FBXL7: variants seen among roughly 807,000 people sequenced by gnomAD.
FBXL7 encodes the protein F-box/LRR-repeat protein 7.
Under a neutral mutation model 38.3 loss-of-function variants are expected in FBXL7, and 12 were observed. That is an observed-to-expected ratio of 0.31 (90% CI 0.20 to 0.51). The LOEUF (loss-of-function observed/expected upper bound fraction) is 0.51. FBXL7 is among the 20% of genes least tolerant of loss of function. The pLI is 0.98. For synonymous variants in FBXL7, 297 were observed against 300.9 expected (o/e 0.99, Z 0.13); for missense variants, 567 against 676.4 (o/e 0.84, Z 1.79).
At chr5:15,807,358 T>C (rs1166753871) in intron 2 of FBXL7, among the ~76,000 whole-genome samples, 1 of 152,102 alleles carries the variant, frequency 6.6e-6, no homozygotes, top group African/African-American at 2.4e-5. Flanking sequence ...CTCTTAGAGA[T>C]CCTCCACATG....
intron 2 of FBXL7, among the ~76,000 whole-genome samples, chr5:15,617,594 A>G (rs1740498879): frequency 6.6e-6 from 1 of 152,104 alleles, no homozygotes; most frequent in Non-Finnish European, 1.5e-5. Flanking sequence ...ACCTGCCACT[A>G]TGCCCAGCTA....
chr5:15,727,524 A>G (rs943891456), intron 2 of FBXL7, among the ~76,000 whole-genome samples: 14 of 152,030 alleles, frequency 9.2e-5, no homozygotes, highest in African/African-American at 3.4e-4. Context: ...TTAGTTTTTT[A>G]GAGCTTTGAA....
chr5:15,736,118 CTT>C (rs930515689), intron 2 of FBXL7, among the ~76,000 whole-genome samples: 3 of 152,088 alleles, frequency 2.0e-5, no homozygotes, highest in African/African-American at 7.2e-5. Flanking sequence ...TTTATGTGAA[CTT>C]TTGTATTTTT....
chr5:15,843,914 A>G (rs1738817229), intron 2 of FBXL7, among the ~76,000 whole-genome samples: 1 of 151,124 alleles, frequency 6.6e-6, no homozygotes, highest in African/African-American at 2.4e-5. Flanking sequence ...TATATATAGT[A>G]TAGAATATAT....
chr5:15,859,277 A>G (rs1739369800), intron 2 of FBXL7, among the ~76,000 whole-genome samples: 1 of 152,140 alleles, frequency 6.6e-6, no homozygotes, highest in South Asian at 2.1e-4. Context: ...ACAATAAGAT[A>G]AGCATGATTA....
intron 2 of FBXL7, among the ~76,000 whole-genome samples, chr5:15,769,110 T>C (rs1397766234): frequency 1.3e-5 from 2 of 152,158 alleles, no homozygotes; most frequent in African/African-American, 2.4e-5. Flanking sequence ...CTCACTGCAT[T>C]GTCCGCTGTC....
At chr5:15,511,739 G>C (rs1268263966) in intron 1 of FBXL7, among the ~76,000 whole-genome samples, 2 of 152,160 alleles carry the variant, frequency 1.3e-5, no homozygotes, top group Non-Finnish European at 2.9e-5. Flanking sequence ...TTATAGGTGA[G>C]GAAACTGAGG....
intron 2 of FBXL7, among the ~76,000 whole-genome samples, chr5:15,646,164 A>G (rs750491685): frequency 2.0e-5 from 3 of 152,234 alleles, no homozygotes; most frequent in Non-Finnish European, 4.4e-5. Flanking sequence ...AGTTTGGCAC[A>G]CTATAAAGAA....
At chr5:15,726,977 C>T (rs1281531819) in intron 2 of FBXL7, among the ~76,000 whole-genome samples, 2 of 151,160 alleles carry the variant, frequency 1.3e-5, no homozygotes, top group South Asian at 4.2e-4. Context: ...TCTGTCATAT[C>T]CTTTTGTTGT....
chr5:15,911,501 G>A (rs1454797381), intron 2 of FBXL7, among the ~76,000 whole-genome samples: 5 of 136,894 alleles, frequency 3.7e-5, no homozygotes, highest in South Asian at 4.3e-4. Flanking sequence ...TAATTTGATC[G>A]TCTGAAGCCT....
chr5:15,708,644 T>C (rs1743763436), intron 2 of FBXL7, among the ~76,000 whole-genome samples: 1 of 152,196 alleles, frequency 6.6e-6, no homozygotes, highest in Admixed American at 6.5e-5. Context: ...TCTGAGACAT[T>C]ATCCTCAGAG....
intron 1 of FBXL7, among the ~76,000 whole-genome samples, chr5:15,599,691 C>A (rs1018803786): frequency 2.6e-5 from 4 of 152,170 alleles, no homozygotes; most frequent in Non-Finnish European, 5.9e-5. Flanking sequence ...TTACTCAGGG[C>A]TCCCCCAGTT....
At chr5:15,559,551 C>A (rs1738350828) in intron 1 of FBXL7, among the ~76,000 whole-genome samples, 1 of 152,160 alleles carries the variant, frequency 6.6e-6, no homozygotes, top group Non-Finnish European at 1.5e-5. Context: ...ATCCTAAAAT[C>A]TCTTATAGAA....
At chr5:15,812,354 T>A (rs73054457) in intron 2 of FBXL7, among the ~76,000 whole-genome samples, 2,034 of 151,590 alleles carry the variant, frequency 0.013, 50 homozygotes, top group African/African-American at 0.047. Flanking sequence ...GGGGGACAAG[T>A]GGGAGGAGAG....
intron 2 of FBXL7, among the ~76,000 whole-genome samples, chr5:15,649,928 T>A (rs1318310217): frequency 2.0e-5 from 3 of 152,254 alleles, no homozygotes; most frequent in Admixed American, 2.0e-4. Context: ...CTACATTATC[T>A]AAATGTAGTA....
intron 2 of FBXL7, among the ~76,000 whole-genome samples, chr5:15,916,242 A>G (rs1741580275): frequency 6.6e-6 from 1 of 152,098 alleles, no homozygotes; most frequent in African/African-American, 2.4e-5. Flanking sequence ...GCACCTGAGG[A>G]CCTGAATTTT....
At chr5:15,687,388 G>A (rs1233281179) in intron 2 of FBXL7, among the ~76,000 whole-genome samples, 1 of 152,154 alleles carries the variant, frequency 6.6e-6, no homozygotes, top group Admixed American at 6.5e-5. Flanking sequence ...AGCCTTTTGA[G>A]CTCACTCCCC....
chr5:15,540,461 C>T (rs1387726957), intron 1 of FBXL7, among the ~76,000 whole-genome samples: 1 of 152,140 alleles, frequency 6.6e-6, no homozygotes, highest in Non-Finnish European at 1.5e-5. Flanking sequence ...TCTTGTCCCC[C>T]ATCTCCTACC....
intron 1 of FBXL7, among the ~76,000 whole-genome samples, chr5:15,578,352 C>T (rs959125484): frequency 3.9e-4 from 59 of 152,128 alleles, no homozygotes; most frequent in African/African-American, 1.3e-3. Context: ...ATTAGGATGT[C>T]GCTCCCAAGA....
Sources: gnomAD v4.1 joint callset for allele counts (sites outside exome capture counted in the v4.1 genomes callset) on GRCh38, gnomAD v4.1.1 for gene constraint, MANE v1.5 for transcripts, NCBI Gene and HGNC (gene_info 2026-07-23, HGNC 2026-07-21) for gene names.